The following MAN1A2 variants were observed in gnomAD, a reference collection of about 807,000 sequenced individuals.
MAN1A2 encodes mannosidase alpha class 1A member 2, also known as mannosyl-oligosaccharide 1,2-alpha-mannosidase IB.
MAN1A2 carries 26 observed loss-of-function variants against 75.7 expected under a neutral mutation model. The ratio of observed to expected loss-of-function variants is 0.34; its 90% CI spans 0.25 to 0.48. The LOEUF is 0.48. MAN1A2 is among the 20% of genes least tolerant of loss of function. MAN1A2 has a pLI of 0.99. For synonymous variants in MAN1A2, 247 were observed against 264.6 expected, an observed-to-expected ratio of 0.93 and a Z score of 0.65; for missense variants, 562 against 775.5, an observed-to-expected ratio of 0.72 and a Z score of 3.27.
At chr1:117,382,475 G>A (rs377629983) in intron 1 of MAN1A2, among the ~76,000 whole-genome samples, 17 of 152,158 alleles carry the variant, frequency 1.1e-4, no homozygotes, top group East Asian at 1.9e-4. Flanking sequence ...CAGGTTTGTC[G>A]AAGATCAGAT....
Position 117,428,949 on chromosome 1 carries a change from G to GCCTT in MAN1A2, c.855+8303_855+8306dup, listed in dbSNP as rs1268457470. ...GTTTTCCTAGGCAGAGGACCCTGCG[G>GCCTT]CCTTCCGCAGTGTTTGTGTCCCTGA... On this transcript the variant is annotated intron_variant, in intron 5 of 12. Coordinates refer to ENST00000356554, the MANE Select transcript of MAN1A2 (RefSeq NM_006699.5). Among the ~76,000 whole-genome samples, 501 of 141,124 alleles carry GCCTT rather than the reference G, an allele frequency of 3.6e-3. 2 individuals carry two copies. Among genetic ancestry groups the GCCTT allele is most frequent in the African/African-American group, 0.013 (482 of 37,872 alleles). The allele number at this position is 141,124 out of a possible 152,430, so 92.6% of individuals were successfully genotyped here.
At chr1:117,373,809 C>T (rs913271417) in intron 1 of MAN1A2, among the ~76,000 whole-genome samples, 4 of 151,988 alleles carry the variant, frequency 2.6e-5, no homozygotes, top group Admixed American at 6.6e-5. Context: ...TTATTTTTAT[C>T]GATATGGATA....
At chr1:117,458,221 A>G (rs12120302) in intron 6 of MAN1A2, among the ~76,000 whole-genome samples, 18,169 of 151,878 alleles carry the variant, frequency 0.12, 1,149 homozygotes, top group Non-Finnish European at 0.14. Context: ...CTCACAGCAT[A>G]GTAAACACTT....
chr1:117,474,551 T>TA (rs1650258569), intron 8 of MAN1A2, among the ~76,000 whole-genome samples: 1 of 151,178 alleles, frequency 6.6e-6, no homozygotes, highest in Non-Finnish European at 1.5e-5. Flanking sequence ...ATAGTATTTA[T>TA]ATAGATTTAA....
chr1:117,438,511 T>C (rs1440951878), intron 5 of MAN1A2, among the ~76,000 whole-genome samples: 1 of 152,208 alleles, frequency 6.6e-6, no homozygotes, highest in Non-Finnish European at 1.5e-5. Flanking sequence ...AGTGTTTAAA[T>C]CTACAGTAAT....
At chr1:117,494,369 G>A (rs1315382145) in intron 9 of MAN1A2, 1 of 151,998 alleles carries the variant, frequency 6.6e-6, no homozygotes. Flanking sequence ...ATTATAAACT[G>A]ATACCCACTT....
chr1:117,388,283 G>C (rs946966572), intron 1 of MAN1A2, among the ~76,000 whole-genome samples: 1 of 152,130 alleles, frequency 6.6e-6, no homozygotes, highest in Non-Finnish European at 1.5e-5. Flanking sequence ...ATAACAAGGA[G>C]TGATGGCTAT....
chr1:117,400,340 G>A (rs1386337526), intron 1 of MAN1A2, among the ~76,000 whole-genome samples: 1 of 142,560 alleles, frequency 7.0e-6, no homozygotes, highest in Non-Finnish European at 1.5e-5. Context: ...TTTTTCTCCA[G>A]TGTTTAACAT....
At chr1:117,394,658 AGAT>A (rs1451022259) in intron 1 of MAN1A2, among the ~76,000 whole-genome samples, 4 of 152,192 alleles carry the variant, frequency 2.6e-5, no homozygotes, top group African/African-American at 9.7e-5. Context: ...GGTACATTGA[AGAT>A]GATAAAGCCA....
intron 10 of MAN1A2, among the ~76,000 whole-genome samples, chr1:117,499,048 A>G (rs1651117026): frequency 6.6e-6 from 1 of 151,958 alleles, no homozygotes; most frequent in Admixed American, 6.6e-5. Context: ...ATTTTAGACC[A>G]CAATGGACTG....
intron 1 of MAN1A2, among the ~76,000 whole-genome samples, chr1:117,390,739 A>T (rs1320763827): frequency 6.6e-6 from 1 of 151,362 alleles, no homozygotes; most frequent in African/African-American, 2.4e-5. Flanking sequence ...CCTAATATAG[A>T]TTGGTTAATG....
chr1:117,373,184 G>C (rs754179701), intron 1 of MAN1A2, among the ~76,000 whole-genome samples: 2 of 152,020 alleles, frequency 1.3e-5, no homozygotes, highest in East Asian at 3.9e-4. Context: ...TGTTACAAGA[G>C]TAGAGATTTC....
chr1:117,418,553 AG>A (rs1200225000), intron 4 of MAN1A2, among the ~76,000 whole-genome samples: 1 of 152,152 alleles, frequency 6.6e-6, no homozygotes, highest in Non-Finnish European at 1.5e-5. Flanking sequence ...AATTTTAAAA[AG>A]GCAATCTGTT....
Position 117,439,789 on chromosome 1 carries a change from C to T in MAN1A2, c.856-2442C>T, listed in dbSNP as rs1159031584. 2.0e-5 allele frequency among the ~76,000 whole-genome samples: 3 copies of T among 152,204 alleles called. No individual in the cohort carries two copies. In the East Asian group the frequency reaches 5.8e-4, roughly 29 times the overall value. ...GGATGATAGGGGTGAGCCACCACGC[C>T]CAGCCTAACTTTCGTTACTTATACT... On this transcript the variant is annotated intron_variant, in intron 5 of 12. Transcript: ENST00000356554.
intron 11 of MAN1A2, 63 bp downstream of exon 11, chr1:117,499,617 A>G: frequency 6.9e-6 from 9 of 1,310,426 alleles, no homozygotes; most frequent in Non-Finnish European, 9.3e-6. Flanking sequence ...CTATGATGCC[A>G]CATACCCTCA....
At chr1:117,370,738 A>AGTGTGTGTGTGTGT (rs71658400) in intron 1 of MAN1A2, among the ~76,000 whole-genome samples, 7,709 of 148,228 alleles carry the variant, frequency 0.052, 270 homozygotes, top group Middle Eastern at 0.1. Context: ...ATCTTCATTT[A>AGTGTGTGTGTGTGT]GTGTGTGTGT....
intron 8 of MAN1A2, among the ~76,000 whole-genome samples, chr1:117,471,759 A>G (rs943030932): frequency 2.6e-5 from 4 of 151,788 alleles, no homozygotes; most frequent in Non-Finnish European, 4.4e-5. Context: ...ATGATTTGTT[A>G]TTATAACATT....
chr1:117,509,311 A>G (rs1342094851), intron 12 of MAN1A2, among the ~76,000 whole-genome samples: 1 of 151,916 alleles, frequency 6.6e-6, no homozygotes, highest in African/African-American at 2.4e-5. Flanking sequence ...AATAAATGAA[A>G]TAATAGATCA....
At chr1:117,377,384 A>G (rs1232403596) in intron 1 of MAN1A2, among the ~76,000 whole-genome samples, 1 of 152,230 alleles carries the variant, frequency 6.6e-6, no homozygotes, top group African/African-American at 2.4e-5. Context: ...ATGTAAATTA[A>G]TAGAATTTTC....
Sources: gnomAD v4.1 joint callset for allele counts (sites outside exome capture counted in the v4.1 genomes callset) on GRCh38, gnomAD v4.1.1 for gene constraint, MANE v1.5 for transcripts, NCBI Gene and HGNC (gene_info 2026-07-23, HGNC 2026-07-21) for gene names.